The following CEP128 variants were observed in gnomAD, a reference collection of about 807,000 sequenced individuals.
CEP128 encodes centrosomal protein 128.
A neutral mutation model predicts 156.7 loss-of-function variants in CEP128; 132 were observed. The ratio of observed to expected loss-of-function variants is 0.84; its 90% CI spans 0.73 to 0.97. CEP128 has a LOEUF of 0.97. CEP128 is among the 50% of genes least tolerant of loss of function. The pLI, the probability that CEP128 is intolerant of heterozygous loss-of-function variation, is 0.00. For synonymous variants in CEP128, 469 were observed against 448.9 expected (o/e 1.04, Z -0.57); for missense variants, 1,252 against 1,281.9 (o/e 0.98, Z 0.36).
chr14:80,748,491 C>T (rs778807924), intron 18 of CEP128, among the ~76,000 whole-genome samples: 4 of 152,162 alleles, frequency 2.6e-5, no homozygotes, highest in Non-Finnish European at 5.9e-5. Flanking sequence ...GAGTATGAAA[C>T]ACATGCTGAA....
chr14:80,822,805 C>T, intron 13 of CEP128: 2 of 745,538 alleles, frequency 2.7e-6, no homozygotes, highest in South Asian at 1.3e-5. Context: ...GAAGTGTGTG[C>T]ATTTTTGATA....
chr14:80,553,091 T>A (rs552249966), intron 21 of CEP128, among the ~76,000 whole-genome samples: 25 of 151,926 alleles, frequency 1.6e-4, no homozygotes, highest in African/African-American at 5.3e-4. Context: ...TTCTTTTTTT[T>A]AATTATACTT....
chr14:80,907,582 T>C (rs969023138), intron 4 of CEP128, among the ~76,000 whole-genome samples: 11 of 143,040 alleles, frequency 7.7e-5, no homozygotes, highest in Non-Finnish European at 1.6e-4. Context: ...TGCTTGAACC[T>C]GGGAGGCAGA....
intron 2 of CEP128, among the ~76,000 whole-genome samples, chr14:80,947,903 T>C (rs987400426): frequency 6.6e-6 from 1 of 152,236 alleles, no homozygotes; most frequent in Non-Finnish European, 1.5e-5. Context: ...TTACTTCAAA[T>C]GTAGCCTGCA....
chr14:80,852,431 A>G lies in CEP128; in HGVS notation c.762+10326T>C, dbSNP rs185343197. On this transcript the variant is annotated intron_variant, in intron 9 of 24. Coordinates refer to ENST00000555265, the MANE Select transcript of CEP128 (RefSeq NM_152446.5). ...AAATTTTCATTATTCATTTTAAAAA[A>G]GCAGAAAAATCAATCAAGCATTCAA... Among the ~76,000 whole-genome samples the G allele has an allele frequency of 2.1e-4, 32 of 152,080 alleles. No homozygotes were observed. In the East Asian group the frequency reaches 6.2e-3, roughly 29 times the overall value.
At chr14:80,675,565 T>C (rs987870898) in intron 19 of CEP128, among the ~76,000 whole-genome samples, 21 of 152,086 alleles carry the variant, frequency 1.4e-4, no homozygotes, top group African/African-American at 4.3e-4. Context: ...GGGTCTTCTA[T>C]GAAATGTCTT....
intron 19 of CEP128, among the ~76,000 whole-genome samples, chr14:80,603,018 G>A (rs1008308906): frequency 6.6e-6 from 1 of 152,198 alleles, no homozygotes; most frequent in Admixed American, 6.5e-5. Flanking sequence ...GGGATACAGT[G>A]TGCTTATTAA....
intron 8 of CEP128, among the ~76,000 whole-genome samples, chr14:80,890,168 A>G (rs1889024609): frequency 6.6e-6 from 1 of 152,162 alleles, no homozygotes; most frequent in South Asian, 2.1e-4. Flanking sequence ...AACATTTTAC[A>G]CTGTTGGTGG....
intron 19 of CEP128, among the ~76,000 whole-genome samples, chr14:80,682,188 G>C (rs774060417): frequency 6.6e-6 from 1 of 152,142 alleles, no homozygotes. Flanking sequence ...TACAAGAAAA[G>C]TTTGAAAACC....
At chr14:80,641,698 T>C (rs1276965715) in intron 19 of CEP128, among the ~76,000 whole-genome samples, 1 of 152,168 alleles carries the variant, frequency 6.6e-6, no homozygotes, top group Non-Finnish European at 1.5e-5. Flanking sequence ...AGGATTTTTT[T>C]CTCCTTACTC....
intron 6 of CEP128, among the ~76,000 whole-genome samples, chr14:80,901,076 G>C (rs986247288): frequency 3.3e-5 from 5 of 152,004 alleles, no homozygotes; most frequent in South Asian, 4.2e-4. Flanking sequence ...CGTGGTAGCG[G>C]GCGCCTGTAG....
intron 19 of CEP128, among the ~76,000 whole-genome samples, chr14:80,698,338 C>T (rs1896957899): frequency 6.6e-6 from 1 of 151,986 alleles, no homozygotes; most frequent in Non-Finnish European, 1.5e-5. Flanking sequence ...AATCCCTAAA[C>T]AAATAATATC....
At chr14:80,831,334 T>C (rs1421251424) in intron 12 of CEP128, 40 bp from the exon 13 acceptor site, 3 of 1,601,240 alleles carry the variant, frequency 1.9e-6, no homozygotes, top group African/African-American at 2.7e-5. Flanking sequence ...TTGTTCTTTA[T>C]TCACAGAAGA....
chr14:80,745,464 A>G (rs911419296), intron 18 of CEP128, among the ~76,000 whole-genome samples: 1 of 152,224 alleles, frequency 6.6e-6, no homozygotes, highest in Non-Finnish European at 1.5e-5. Context: ...GAAAATCATT[A>G]ATGTAATATA....
intron 21 of CEP128, among the ~76,000 whole-genome samples, chr14:80,540,857 G>A (rs1889723459): frequency 6.6e-6 from 1 of 152,080 alleles, no homozygotes; most frequent in African/African-American, 2.4e-5. Flanking sequence ...AGGGAGAATA[G>A]GCGGAATCCC....
intron 21 of CEP128, among the ~76,000 whole-genome samples, chr14:80,537,688 A>C (rs1233891688): frequency 6.6e-6 from 1 of 152,192 alleles, no homozygotes; most frequent in African/African-American, 2.4e-5. Flanking sequence ...AATTCTTTTT[A>C]AGTGATTGCA....
chr14:80,731,606 T>C (rs1391370089), intron 19 of CEP128, among the ~76,000 whole-genome samples: 1 of 152,198 alleles, frequency 6.6e-6, no homozygotes, highest in East Asian at 1.9e-4. Context: ...AGGTCAATAG[T>C]CTCAATAGGG....
downstream of CEP128, among the ~76,000 whole-genome samples, chr14:80,494,476 T>C (rs925888861): frequency 1.8e-4 from 28 of 152,310 alleles, no homozygotes; most frequent in African/African-American, 6.7e-4. Flanking sequence ...TTGAGGTATT[T>C]ATCTCTTCCT....
intron 23 of CEP128, among the ~76,000 whole-genome samples, chr14:80,517,986 A>G (rs1362705013): frequency 6.6e-6 from 1 of 152,024 alleles, no homozygotes; most frequent in Non-Finnish European, 1.5e-5. Flanking sequence ...GGCAGCAAAC[A>G]GCAGTGGTGG....
Sources: gnomAD v4.1 joint callset for allele counts (sites outside exome capture counted in the v4.1 genomes callset) on GRCh38, gnomAD v4.1.1 for gene constraint, MANE v1.5 for transcripts, NCBI Gene and HGNC (gene_info 2026-07-23, HGNC 2026-07-21) for gene names.